Variants in TOGARAM2 observed in about 807,000 individuals in gnomAD.
TOGARAM2 encodes TOG array regulator of axonemal microtubules protein 2.
TOGARAM2 carries 85 observed loss-of-function variants against 93.3 expected under a neutral mutation model. That is an observed-to-expected ratio of 0.91 (90% CI 0.76 to 1.09). The LOEUF is 1.09. TOGARAM2 is among the 50% of genes least tolerant of loss of function. The pLI, the probability that TOGARAM2 is intolerant of heterozygous loss-of-function variation, is 0.00. For missense variants in TOGARAM2, 1,277 were observed against 1,334.5 expected (o/e 0.96, Z 0.67); for synonymous variants, 593 against 552.8 (o/e 1.07, Z -1.02).
chr2:29,014,421 A>G lies in TOGARAM2; in HGVS notation c.904A>G (p.Arg302Gly). 1 of 1,609,988 alleles carries G rather than the reference A, an allele frequency of 6.2e-7. No individual in the cohort carries two copies. The highest frequency in any genetic ancestry group is 1.1e-5 in the South Asian group (1 of 89,964). Residue 302 changes from arginine to glycine, a missense_variant, in exon 8 of 20, where the codon AGA becomes GGA. By Grantham distance (125) the Arg-to-Gly change is moderately radical. Transcript: ENST00000379558. ...GCCAAAACCTTTGGCCTCACCCATCAGAGACAGGCCTGCCGCTGCCAAGAA... is the reference window on the plus strand; with the variant it reads ...GCCAAAACCTTTGGCCTCACCCATCGGAGACAGGCCTGCCGCTGCCAAGAA... ...LEPKPLASPI[R>G]DRPAAAKKPA...
intron 6 of TOGARAM2, among the ~76,000 whole-genome samples, chr2:29,008,746 C>T (rs1400894519): frequency 6.6e-6 from 1 of 152,186 alleles, no homozygotes; most frequent in Non-Finnish European, 1.5e-5. Context: ...TAGAAGCCAC[C>T]GCACCTGGCC....
intron 10 of TOGARAM2, among the ~76,000 whole-genome samples, chr2:29,020,048 T>G (rs73922944): frequency 0.24 from 36,398 of 151,978 alleles, 4,828 homozygotes; most frequent in South Asian, 0.37. Flanking sequence ...AGGGAAGGGG[T>G]TTTTATCCCT....
chr2:28,990,477 C>T (rs549789447), intron 1 of TOGARAM2, among the ~76,000 whole-genome samples: 31 of 152,218 alleles, frequency 2.0e-4, no homozygotes, highest in Non-Finnish European at 4.0e-4. Context: ...TCCCGCTCCC[C>T]GGGCCTGGAT....
intron 1 of TOGARAM2, among the ~76,000 whole-genome samples, chr2:28,983,199 T>TGTATA (rs1491158838): frequency 8.0e-5 from 1 of 12,502 alleles, no homozygotes; most frequent in Non-Finnish European, 1.7e-4. Context: ...TATATATATA[T>TGTATA]TTTTTTTTTT....
At chr2:29,014,107 C>A (rs1299464454) in intron 7 of TOGARAM2, among the ~76,000 whole-genome samples, 1 of 152,214 alleles carries the variant, frequency 6.6e-6, no homozygotes. Context: ...TCTTACATCT[C>A]CTGGATAACA....
At chr2:28,965,103 C>A (rs2148216608) in intron 1 of TOGARAM2, among the ~76,000 whole-genome samples, 2 of 152,324 alleles carry the variant, frequency 1.3e-5, no homozygotes, top group South Asian at 4.1e-4. Flanking sequence ...TACATTCCCA[C>A]CGACAGTGTA....
chr2:29,026,759 G>A (rs1665399408), intron 13 of TOGARAM2, 94 bp from the exon 14 acceptor site: 1 of 1,305,866 alleles, frequency 7.7e-7, no homozygotes, highest in South Asian at 2.0e-5. Flanking sequence ...CTGGCATGAA[G>A]CATGGGTCTG....
At chr2:28,975,345 C>T (rs1045232768) in intron 1 of TOGARAM2, among the ~76,000 whole-genome samples, 6 of 151,848 alleles carry the variant, frequency 4.0e-5, no homozygotes, top group South Asian at 2.1e-4. Context: ...CCCGCCACCA[C>T]GCCCGGCTAT....
chr2:29,006,832 C>T (rs1243534088), intron 6 of TOGARAM2, among the ~76,000 whole-genome samples: 1 of 152,144 alleles, frequency 6.6e-6, no homozygotes, highest in African/African-American at 2.4e-5. Flanking sequence ...CTCCCCTTTC[C>T]CACTCAGACG....
At chr2:29,024,871 C>T (rs575024304) in intron 13 of TOGARAM2, among the ~76,000 whole-genome samples, 11 of 152,268 alleles carry the variant, frequency 7.2e-5, no homozygotes, top group South Asian at 4.1e-4. Context: ...AAGAGAAAGT[C>T]GCAAAATTTC....
chr2:28,980,479 G>A (rs568168398), upstream of TOGARAM2, among the ~76,000 whole-genome samples: 1 of 152,220 alleles, frequency 6.6e-6, no homozygotes, highest in Admixed American at 6.5e-5. Flanking sequence ...ATCTTTGGGC[G>A]AGTGGCTGTT....
At chr2:28,997,557 G>A (rs141603932) in intron 2 of TOGARAM2, among the ~76,000 whole-genome samples, 1 of 152,288 alleles carries the variant, frequency 6.6e-6, no homozygotes, top group Non-Finnish European at 1.5e-5. Context: ...TCTGTGTCGC[G>A]GATAGAGGGT....
chr2:28,989,544 A>T (rs1376734394), intron 1 of TOGARAM2, among the ~76,000 whole-genome samples: 1 of 152,058 alleles, frequency 6.6e-6, no homozygotes, highest in African/African-American at 2.4e-5. Context: ...GACTACAGGC[A>T]CAGGCCACCA....
Position 29,007,732 on chromosome 2 carries a change from C to T in TOGARAM2, c.831-3723C>T, listed in dbSNP as rs143972674. 1.7e-4 allele frequency among the ~76,000 whole-genome samples: 26 copies of T among 152,258 alleles called. No homozygotes were observed. The East Asian group carries it at 5.0e-3, about 29-fold the overall frequency. The stretch of plus-strand genomic sequence containing the variant: ...GACCCAGGCGCATAATGCTGAGTCT[C>T]CTTGGCCTGACAATCAGGGTCCATC... On this transcript the variant is annotated intron_variant, in intron 6 of 19. Coordinates refer to ENST00000379558, the MANE Select transcript of TOGARAM2 (RefSeq NM_199280.4).
At chr2:28,971,166 G>A (rs1671943124) in intron 1 of TOGARAM2, 2 of 152,336 alleles carry the variant, frequency 1.3e-5, no homozygotes, top group Non-Finnish European at 2.9e-5. Flanking sequence ...TCCAGAGGGG[G>A]GTTGAAACTG....
chr2:29,000,169 T>C (rs1349875939), intron 4 of TOGARAM2, among the ~76,000 whole-genome samples: 1 of 152,192 alleles, frequency 6.6e-6, no homozygotes, highest in East Asian at 1.9e-4. Context: ...TTGCATGTAA[T>C]TGTCAGCTCC....
At chr2:29,005,929 AGT>A (rs369554680) in intron 6 of TOGARAM2, among the ~76,000 whole-genome samples, 16 of 115,390 alleles carry the variant, frequency 1.4e-4, no homozygotes, top group East Asian at 3.4e-4. Flanking sequence ...ATGTGTGTGG[AGT>A]GTGTGTGTGG....
chr2:28,979,635 G>A (rs927467416), upstream of TOGARAM2, among the ~76,000 whole-genome samples: 1 of 152,232 alleles, frequency 6.6e-6, no homozygotes, highest in Non-Finnish European at 1.5e-5. Flanking sequence ...TTGGCACAGA[G>A]CATGGCCAGC....
chr2:29,032,197 A>T (rs1665806053), intron 14 of TOGARAM2, among the ~76,000 whole-genome samples: 2 of 152,098 alleles, frequency 1.3e-5, no homozygotes, highest in African/African-American at 2.4e-5. Context: ...TAACTCCTTC[A>T]TGTCTCCCTA....
Sources: gnomAD v4.1 joint callset for allele counts (sites outside exome capture counted in the v4.1 genomes callset) on GRCh38, gnomAD v4.1.1 for gene constraint, MANE v1.5 for transcripts, NCBI Gene and HGNC (gene_info 2026-07-23, HGNC 2026-07-21) for gene names.